Variants in TWIST2 observed in about 807,000 individuals in gnomAD.
The protein encoded by TWIST2 is twist-related protein 2.
Under a neutral mutation model 11.6 loss-of-function variants are expected in TWIST2, and 1 was observed. That is an observed-to-expected ratio of 0.09 (90% CI 0.03 to 0.41). The LOEUF is 0.41. TWIST2 is among the 10% of genes least tolerant of loss of function. The pLI is 0.98. For synonymous variants in TWIST2, 87 were observed against 96.6 expected (o/e 0.90, Z 0.58); for missense variants, 168 against 226.4 (o/e 0.74, Z 1.66).
intron 1 of TWIST2, among the ~76,000 whole-genome samples, chr2:238,873,234 T>G (rs1345528922): frequency 6.6e-6 from 1 of 152,000 alleles, no homozygotes; most frequent in Non-Finnish European, 1.5e-5. Flanking sequence ...GGCTCCACAT[T>G]AGAGACCGGG....
chr2:238,891,267 C>G (rs1693127645), intron 1 of TWIST2, among the ~76,000 whole-genome samples: 2 of 152,226 alleles, frequency 1.3e-5, no homozygotes, highest in Non-Finnish European at 1.5e-5. Flanking sequence ...AGCATTCGGA[C>G]TCCTGGTAAA....
rs995899889 is a variant in TWIST2, at chr2:238,895,087, G to A, written c.*36-14755G>A. On this transcript the variant is annotated intron_variant, in intron 1 of 1. Transcript: ENST00000612363. ...CGGCAGCCCTTCTGTCCATATTTTC[G>A]TTCGCTGCTGCTGCTGTTGCTGCTG... Among the ~76,000 whole-genome samples, 9 of 152,300 alleles carry A rather than the reference G, an allele frequency of 5.9e-5. No individual in the cohort carries two copies. In the East Asian group the frequency reaches 1.5e-3, roughly 26 times the overall value.
intron 1 of TWIST2, among the ~76,000 whole-genome samples, chr2:238,874,430 G>C (rs189575977): frequency 6.6e-6 from 1 of 152,076 alleles, no homozygotes; most frequent in African/African-American, 2.4e-5. Flanking sequence ...TTTTGCAAAA[G>C]AATAGAAAGA....
chr2:238,869,972 G>GT (rs375572330), intron 1 of TWIST2, among the ~76,000 whole-genome samples: 3 of 152,004 alleles, frequency 2.0e-5, no homozygotes, highest in African/African-American at 7.2e-5. Context: ...ATAAATGTTG[G>GT]TGAGGATGTG....
intron 1 of TWIST2, among the ~76,000 whole-genome samples, chr2:238,860,703 C>T (rs916522933): frequency 6.6e-5 from 10 of 152,160 alleles, no homozygotes; most frequent in Admixed American, 3.3e-4. Context: ...TTTGGGAGGC[C>T]GAGGCGGGTG....
rs1258708951 is a variant in TWIST2 at position 238,848,437 on chromosome 2, C to T, written c.222C>T (p.Arg74=). 6.5e-7 allele frequency: 1 copy of T among 1,546,840 alleles called. No homozygotes were observed. Among genetic ancestry groups the T allele is most frequent in the Admixed American group, 1.9e-5 (1 of 51,444 alleles). The part of the protein sequence containing the change: ...LQSQRILANV[R]ERQRTQSLNE... ...GCCAGCGCATCCTGGCCAACGTGCG[C>T]GAGCGCCAGCGCACCCAGTCGCTCA... The change falls in exon 1 of 2, where the codon CGC becomes CGT. Residue 74 remains arginine (R), a synonymous_variant. Coordinates refer to ENST00000612363, the MANE Select transcript of TWIST2 (RefSeq NM_001271893.4).
At chr2:238,894,996 TTG>T (rs1481434825) in intron 1 of TWIST2, among the ~76,000 whole-genome samples, 2 of 152,246 alleles carry the variant, frequency 1.3e-5, no homozygotes, top group African/African-American at 4.8e-5. Context: ...GTTCTGCTGC[TTG>T]TCTCCCCATA....
chr2:238,862,425 A>G (rs963451680), intron 1 of TWIST2, among the ~76,000 whole-genome samples: 1 of 152,250 alleles, frequency 6.6e-6, no homozygotes, highest in Non-Finnish European at 1.5e-5. Flanking sequence ...ATGAATTCAT[A>G]AAAGGAGAAA....
At position 238,866,677 on chromosome 2, in the gene TWIST2, C is replaced by T. The variant is rs1692542368; in HGVS notation, c.*35+17944C>T. 6.6e-6 allele frequency among the ~76,000 whole-genome samples: 1 copy of T among 152,046 alleles called. No individual in the cohort carries two copies. Among genetic ancestry groups the T allele is most frequent in the African/African-American group, 2.4e-5 (1 of 41,412 alleles). The stretch of plus-strand genomic sequence containing the variant: ...ACCATGGAAAAAAAAAAGAAAAGCA[C>T]GGCGCCTTCATGTTCCATGCCTTCA... On this transcript the variant is annotated intron_variant, in intron 1 of 1. Transcript: ENST00000612363. The surrounding 1 kb of genome is among the most constrained non-coding windows in gnomAD (Gnocchi z 4.9).
chr2:238,887,754 C>T lies in TWIST2; in HGVS notation c.*36-22088C>T, dbSNP rs574565384. Reference sequence around the variant, plus strand: ...CAAGTGCCTGAAGAGGCCACAGGTTCTCAAGACTGTGGAGGCTCTACCAGC... The same window carrying T: ...CAAGTGCCTGAAGAGGCCACAGGTTTTCAAGACTGTGGAGGCTCTACCAGC... On this transcript the variant is annotated intron_variant, in intron 1 of 1. Coordinates refer to ENST00000612363, the MANE Select transcript of TWIST2 (RefSeq NM_001271893.4). Among the ~76,000 whole-genome samples the T allele has an allele frequency of 6.6e-5, 10 of 152,342 alleles. No homozygotes were observed. In the East Asian group the frequency reaches 1.9e-3, roughly 29 times the overall value.
intron 1 of TWIST2, among the ~76,000 whole-genome samples, chr2:238,861,104 C>T (rs1017724402): frequency 1.1e-4 from 16 of 152,106 alleles, no homozygotes; most frequent in African/African-American, 2.9e-4. Flanking sequence ...GAGGACTGGC[C>T]GCCGGGGCCC....
At chr2:238,903,653 G>GGTGTGTGTGATGTGTGTGTGATATGGGGC (rs1693308773) in intron 1 of TWIST2, among the ~76,000 whole-genome samples, 1 of 134 alleles carries the variant, frequency 7.5e-3, no homozygotes, top group African/African-American at 0.026. Context: ...TGTGATGTGA[G>GGTGTGTGTGATGTGTGTGTGATATGGGGC]GTGTGTNNNN....
At chr2:238,857,291 C>T (rs1199341120) in intron 1 of TWIST2, among the ~76,000 whole-genome samples, 1 of 152,176 alleles carries the variant, frequency 6.6e-6, no homozygotes, top group Non-Finnish European at 1.5e-5. Context: ...CCTTGGAGCC[C>T]ATCTTCGCTA....
chr2:238,859,637 G>T (rs185400320), intron 1 of TWIST2, among the ~76,000 whole-genome samples: 190 of 151,698 alleles, frequency 1.3e-3, no homozygotes, highest in Non-Finnish European at 2.2e-3. Context: ...TGTTCAGTTG[G>T]GGGTGGAGGG....
Position 238,888,288 on chromosome 2 carries a change from G to C in TWIST2, c.*36-21554G>C, listed in dbSNP as rs574669758. On this transcript the variant is annotated intron_variant, in intron 1 of 1. Coordinates refer to ENST00000612363, the MANE Select transcript of TWIST2 (RefSeq NM_001271893.4). ...TTTCAGAGTCCTGTCTCCATTTCAGGTTTTGTTGAAGTGTTCTTCCCTCTA... is the reference window on the plus strand; with the variant it reads ...TTTCAGAGTCCTGTCTCCATTTCAGCTTTTGTTGAAGTGTTCTTCCCTCTA... 2.0e-5 allele frequency among the ~76,000 whole-genome samples: 3 copies of C among 152,288 alleles called. No homozygotes were observed. The East Asian group carries it at 5.8e-4, about 29-fold the overall frequency.
Position 238,903,142 on chromosome 2 carries a change from CATGTGAGGTGTGT to C in TWIST2, c.*36-6687_*36-6675del, listed in dbSNP as rs1187704098. Among the ~76,000 whole-genome samples, 4 of 95,256 alleles carry C rather than the reference CATGTGAGGTGTGT, an allele frequency of 4.2e-5. No individual in the cohort carries two copies. The East Asian group carries it at 1.1e-3, about 27-fold the overall frequency. The allele number at this position is 95,256 out of a possible 152,430, so 62.5% of individuals were successfully genotyped here. On this transcript the variant is annotated intron_variant, in intron 1 of 1. Coordinates refer to ENST00000612363, the MANE Select transcript of TWIST2 (RefSeq NM_001271893.4). ...TGTGTGTGATGTGGGGTGTGTGTCTCATGTGAGGTGTGTATGTGAGGTGTGGGATGTAGTTGTG... is the reference window on the plus strand; with the variant it reads ...TGTGTGTGATGTGGGGTGTGTGTCTCATGTGAGGTGTGGGATGTAGTTGTG...
At chr2:238,889,787 G>A (rs186497562) in intron 1 of TWIST2, among the ~76,000 whole-genome samples, 48 of 152,346 alleles carry the variant, frequency 3.2e-4, no homozygotes, top group Admixed American at 8.5e-4. Flanking sequence ...GTTCATTACA[G>A]ATTTCTTAAT....
chr2:238,865,692 T>TTG (rs1692517739), intron 1 of TWIST2, among the ~76,000 whole-genome samples: 1 of 50,878 alleles, frequency 2.0e-5, no homozygotes, highest in Admixed American at 2.0e-4. Flanking sequence ...TTTTGGAACT[T>TTG]TTTTTTTTTT....
chr2:238,883,429 C>G (rs1167546229), intron 1 of TWIST2, among the ~76,000 whole-genome samples: 56 of 152,188 alleles, frequency 3.7e-4, no homozygotes, highest in Admixed American at 3.6e-3. Context: ...CTCTGAGGAG[C>G]TGAGCTGGCT....
Sources: gnomAD v4.1 joint callset for allele counts (sites outside exome capture counted in the v4.1 genomes callset) on GRCh38, gnomAD v4.1.1 for gene constraint, Gnocchi (gnomAD v3.1) non-coding constraint, MANE v1.5 for transcripts, NCBI Gene and HGNC (gene_info 2026-07-23, HGNC 2026-07-21) for gene names.